RBPMS: variants seen among roughly 807,000 people sequenced by gnomAD.
The protein encoded by RBPMS is RNA binding protein, mRNA processing factor.
Under a neutral mutation model 26.8 loss-of-function variants are expected in RBPMS, and 7 were observed. The ratio of observed to expected loss-of-function variants is 0.26; its 90% CI spans 0.15 to 0.49. The LOEUF (loss-of-function observed/expected upper bound fraction) is 0.49. RBPMS is among the 20% of genes least tolerant of loss of function. The probability of loss-of-function intolerance (pLI) is 0.98; values close to 1 mark genes in which losing one functional copy is unlikely to be tolerated. For synonymous variants in RBPMS, 96 were observed against 93.3 expected (o/e 1.03, Z -0.17); for missense variants, 186 against 250.0 (o/e 0.74, Z 1.73).
rs546095661 is a variant in RBPMS at position 30,457,812 on chromosome 8, G to A, written c.67-16967G>A. Among the ~76,000 whole-genome samples the A allele has an allele frequency of 1.2e-3, 183 of 152,150 alleles. 1 individual carries two copies. The highest frequency in any genetic ancestry group is 1.9e-3 in the Non-Finnish European group (132 of 68,000). On this transcript the variant is annotated intron_variant, in intron 1 of 8. Coordinates refer to ENST00000397323, the MANE Select transcript of RBPMS (RefSeq NM_001008710.3). ...AGGCTGGTCTCAAACTCCTGACCTC[G>A]TGATCTGCCCACCTCAGCCTCCCAA...
intron 5 of RBPMS, among the ~76,000 whole-genome samples, chr8:30,511,486 A>AAAAAAAAAT (rs1821657057): frequency 4.2e-5 from 1 of 23,574 alleles, no homozygotes; most frequent in Admixed American, 4.4e-4. Flanking sequence ...AAAAAAAAAA[A>AAAAAAAAAT]ATATATATAT....
At chr8:30,391,139 C>G (rs1009140633) in intron 1 of RBPMS, among the ~76,000 whole-genome samples, 34 of 152,088 alleles carry the variant, frequency 2.2e-4, no homozygotes, top group Admixed American at 2.2e-3. Context: ...CATTAGGAAC[C>G]TCCATTTGCG....
At chr8:30,457,752 AT>A (rs1815398089) in intron 1 of RBPMS, among the ~76,000 whole-genome samples, 1 of 151,850 alleles carries the variant, frequency 6.6e-6, no homozygotes, top group Admixed American at 6.6e-5. Flanking sequence ...CACCCAGCTA[AT>A]TTTTAGTAGA....
intron 5 of RBPMS, among the ~76,000 whole-genome samples, chr8:30,531,286 A>G (rs1824199643): frequency 6.6e-6 from 1 of 152,254 alleles, no homozygotes; most frequent in African/African-American, 2.4e-5. Flanking sequence ...AAACCCCAGA[A>G]ACTCCTTGGT....
chr8:30,495,446 C>A (rs1819847306), intron 4 of RBPMS, among the ~76,000 whole-genome samples: 1 of 152,110 alleles, frequency 6.6e-6, no homozygotes, highest in South Asian at 2.1e-4. Flanking sequence ...GGCACGTATA[C>A]CACAGGAAGC....
At chr8:30,545,175 GAAA>G in intron 6 of RBPMS, 1 of 1,298,876 alleles carries the variant, frequency 7.7e-7, no homozygotes, top group Non-Finnish European at 1.0e-6. Flanking sequence ...AAACCCTGTA[GAAA>G]AGGAGATACA....
At chr8:30,474,717 G>A (rs1817504089) in intron 1 of RBPMS, 62 bp from the exon 2 acceptor site, 3 of 888,006 alleles carry the variant, frequency 3.4e-6, no homozygotes, top group East Asian at 2.4e-5. Context: ...TGAGATATCA[G>A]GTGAGAGTTA....
intron 7 of RBPMS, among the ~76,000 whole-genome samples, chr8:30,563,055 G>A (rs1585899642): frequency 1.3e-5 from 2 of 152,226 alleles, no homozygotes; most frequent in African/African-American, 4.8e-5. Context: ...GTGGACACAT[G>A]TACAGGAGAG....
At chr8:30,508,832 T>C (rs1458522044) in intron 5 of RBPMS, among the ~76,000 whole-genome samples, 2 of 152,224 alleles carry the variant, frequency 1.3e-5, no homozygotes, top group Admixed American at 1.3e-4. Context: ...TGAAATTAAT[T>C]GAATAAATGT....
intron 1 of RBPMS, among the ~76,000 whole-genome samples, chr8:30,418,409 A>G (rs1715016903): frequency 1.3e-5 from 2 of 152,070 alleles, no homozygotes. Flanking sequence ...CTCTGTAATC[A>G]TTGGCTAGAA....
intron 5 of RBPMS, among the ~76,000 whole-genome samples, chr8:30,511,486 A>AAAAAATATATAT (rs1821657057): frequency 4.2e-5 from 1 of 23,572 alleles, no homozygotes; most frequent in African/African-American, 1.6e-4. Flanking sequence ...AAAAAAAAAA[A>AAAAAATATATAT]ATATATATAT....
chr8:30,518,687 C>CTTATTTTTTTTTT (rs1822627545), intron 5 of RBPMS, among the ~76,000 whole-genome samples: 1 of 18,236 alleles, frequency 5.5e-5, no homozygotes, highest in Non-Finnish European at 9.8e-5. Flanking sequence ...CCAAGCATGA[C>CTTATTTTTTTTTT]TTTTTTTTTT....
intron 4 of RBPMS, among the ~76,000 whole-genome samples, chr8:30,485,034 A>G (rs557073511): frequency 6.6e-6 from 1 of 152,366 alleles, no homozygotes; most frequent in East Asian, 1.9e-4. Flanking sequence ...AATGCTCTGT[A>G]AGTAAACCTA....
intron 4 of RBPMS, among the ~76,000 whole-genome samples, chr8:30,489,608 C>G (rs942657301): frequency 6.6e-6 from 1 of 151,732 alleles, no homozygotes; most frequent in African/African-American, 2.4e-5. Context: ...CCACGCCCGG[C>G]GAATTTTTGA....
At chr8:30,479,494 G>T in intron 4 of RBPMS, 117 bp downstream of exon 4, 1 of 774,846 alleles carries the variant, frequency 1.3e-6, no homozygotes, top group Non-Finnish European at 2.2e-6. Context: ...TAAGAGGGAG[G>T]GATTCATCAA....
intron 6 of RBPMS, among the ~76,000 whole-genome samples, chr8:30,552,167 C>G (rs957245767): frequency 6.6e-6 from 1 of 152,132 alleles, no homozygotes; most frequent in African/African-American, 2.4e-5. Flanking sequence ...GTGGCGTATA[C>G]CGAGAGGAGG....
rs76762886 is a variant in RBPMS at position 30,560,920 on chromosome 8, C to G, written c.*7+1964C>G. Among the ~76,000 whole-genome samples the G allele has an allele frequency of 5.3e-3, 802 of 152,252 alleles. 11 individuals are homozygous for G. The highest frequency in any genetic ancestry group is 0.018 in the African/African-American group (761 of 41,546). The stretch of plus-strand genomic sequence containing the variant: ...GGATGAGTATTCATGTGTGATACTG[C>G]TCATTAATCTGTGATGATATTTAAA... On this transcript the variant is annotated intron_variant, in intron 7 of 8. Coordinates refer to ENST00000397323, the MANE Select transcript of RBPMS (RefSeq NM_001008710.3).
intron 1 of RBPMS, among the ~76,000 whole-genome samples, chr8:30,415,094 T>A (rs1479217573): frequency 6.6e-6 from 1 of 152,132 alleles, no homozygotes; most frequent in Non-Finnish European, 1.5e-5. Context: ...TGCTAATGTG[T>A]CCAGTAAATG....
chr8:30,434,704 G>GAA (rs57092916), intron 1 of RBPMS, among the ~76,000 whole-genome samples: 1 of 99,374 alleles, frequency 1.0e-5, no homozygotes. Flanking sequence ...ACTCTGCCTC[G>GAA]AAAAAAAAAA....
Sources: allele counts gnomAD v4.1 joint callset (sites outside exome capture counted in the v4.1 genomes callset), GRCh38; gene constraint gnomAD v4.1.1; transcripts MANE v1.5; gene names NCBI Gene and HGNC (gene_info 2026-07-23, HGNC 2026-07-21).